PPARGC1A: variants seen among roughly 807,000 people sequenced by gnomAD.
PPARGC1A encodes the protein peroxisome proliferator-activated receptor gamma coactivator 1-alpha.
In PPARGC1A, 25 loss-of-function variants were observed where a neutral mutation model predicts 88.7. The ratio of observed to expected loss-of-function variants is 0.28; its 90% confidence interval spans 0.21 to 0.39. The LOEUF is 0.39. Among genes scored for constraint, PPARGC1A ranks in the 10% least tolerant of loss-of-function variants. The probability of loss-of-function intolerance (pLI) is 1.00; values close to 1 mark genes in which losing one functional copy is unlikely to be tolerated. For missense variants in PPARGC1A, 880 were observed against 968.7 expected, an observed-to-expected ratio of 0.91 and a Z score of 1.22; for synonymous variants, 363 against 355.6, an observed-to-expected ratio of 1.02 and a Z score of -0.24.
the PPARGC1A span, among the ~76,000 whole-genome samples, chr4:24,312,977 T>A: frequency 6.6e-6 from 1 of 151,984 alleles, no homozygotes; most frequent in Non-Finnish European, 1.5e-5. Flanking sequence ...AAAAAGGATA[T>A]TTCAAAAAAT....
the PPARGC1A span, among the ~76,000 whole-genome samples, chr4:24,168,479 T>C: frequency 6.6e-6 from 1 of 152,226 alleles, no homozygotes; most frequent in Non-Finnish European, 1.5e-5. Context: ...CATTCAGTTC[T>C]TGGTTTCTTA....
chr4:24,092,417 G>T, the PPARGC1A span, among the ~76,000 whole-genome samples: 1 of 151,940 alleles, frequency 6.6e-6, no homozygotes, highest in African/African-American at 2.4e-5. Context: ...TATCTAATTG[G>T]TCTAAACTAG....
chr4:24,214,486 C>T, the PPARGC1A span, among the ~76,000 whole-genome samples: 1 of 152,120 alleles, frequency 6.6e-6, no homozygotes, highest in Admixed American at 6.5e-5. Flanking sequence ...ATATTGGCAA[C>T]AGGGAAGAGG....
chr4:24,197,279 T>C, the PPARGC1A span, among the ~76,000 whole-genome samples: 1 of 152,220 alleles, frequency 6.6e-6, no homozygotes, highest in East Asian at 1.9e-4. Flanking sequence ...TTGCAGGTCA[T>C]TTTTATCACA....
chr4:23,895,316 TTTTC>T (rs1718419941), intron 1 of PPARGC1A, among the ~76,000 whole-genome samples: 1 of 151,164 alleles, frequency 6.6e-6, no homozygotes, highest in African/African-American at 2.4e-5. Flanking sequence ...ATATATATTT[TTTTC>T]TTTTTCTTTT....
the PPARGC1A span, among the ~76,000 whole-genome samples, chr4:24,465,090 G>A: frequency 1.3e-4 from 20 of 152,224 alleles, no homozygotes; most frequent in Middle Eastern, 6.8e-3. Context: ...GGTCTTGAAC[G>A]CCTGGACTCA....
the PPARGC1A span, among the ~76,000 whole-genome samples, chr4:23,941,087 G>A: frequency 6.6e-6 from 1 of 152,070 alleles, no homozygotes; most frequent in African/African-American, 2.4e-5. Context: ...GTCTCACTCT[G>A]TCACCCAAGC....
the PPARGC1A span, among the ~76,000 whole-genome samples, chr4:24,240,472 C>A: frequency 6.6e-6 from 1 of 152,158 alleles, no homozygotes. Context: ...TGCTAATTAG[C>A]TGGCTAGTTA....
the PPARGC1A span, among the ~76,000 whole-genome samples, chr4:24,351,014 T>C: frequency 6.6e-6 from 1 of 151,996 alleles, no homozygotes; most frequent in African/African-American, 2.4e-5. Context: ...TGGATCACTT[T>C]GAGCACAGGA....
the PPARGC1A span, among the ~76,000 whole-genome samples, chr4:24,158,349 A>G: frequency 7.5e-3 from 1,147 of 152,152 alleles, 16 homozygotes; most frequent in African/African-American, 0.026. Flanking sequence ...TCACTCATTT[A>G]TTATCTGTCT....
the PPARGC1A span, among the ~76,000 whole-genome samples, chr4:24,350,041 T>C: frequency 6.6e-6 from 1 of 152,202 alleles, no homozygotes; most frequent in Non-Finnish European, 1.5e-5. Context: ...CCAGGTGAAG[T>C]TGGAAACGTC....
chr4:23,829,186 C>T (rs1239909332), intron 4 of PPARGC1A, among the ~76,000 whole-genome samples: 2 of 152,140 alleles, frequency 1.3e-5, no homozygotes, highest in African/African-American at 4.8e-5. Flanking sequence ...CAAATTTTAC[C>T]GTGGCCCACA....
At position 23,814,290 on chromosome 4, in the gene PPARGC1A, A is replaced by G. The variant is rs2109471208; in HGVS notation, c.1193T>C (p.Ile398Thr). ...QSINSKTEIL[I>T]NISQELQDSR... The stretch of plus-strand genomic sequence containing the variant: ...GTCTTGGAGCTCCTGTGATATATTA[A>G]TGAGTATTTCTGTTTTGGAATTAAT... Residue 398 changes from isoleucine to threonine, a missense_variant, in exon 8 of 13, where the codon ATT becomes ACT. Ile to Thr is a moderately conservative substitution (Grantham distance 89, BLOSUM62 -1). Transcript: ENST00000264867. 1 of 1,613,994 alleles carries G rather than the reference A, an allele frequency of 6.2e-7. No individual in the cohort carries two copies. The highest frequency in any genetic ancestry group is 1.1e-5 in the South Asian group (1 of 91,068).
chr4:23,932,761 A>G, the PPARGC1A span, among the ~76,000 whole-genome samples: 15 of 152,176 alleles, frequency 9.9e-5, no homozygotes, highest in Non-Finnish European at 1.8e-4. Flanking sequence ...TTCCAGTTGG[A>G]AGGAGGAAAG....
intron 2 of PPARGC1A, among the ~76,000 whole-genome samples, chr4:23,842,986 T>C (rs1399852804): frequency 6.6e-6 from 1 of 152,142 alleles, no homozygotes; most frequent in East Asian, 1.9e-4. Flanking sequence ...TATCTTACAT[T>C]AATGTGCCTA....
chr4:23,900,012 CAAAA>C (rs5856802), upstream of PPARGC1A, among the ~76,000 whole-genome samples: 3 of 147,930 alleles, frequency 2.0e-5, no homozygotes, highest in African/African-American at 7.4e-5. Context: ...GCTGCCTGTC[CAAAA>C]AAAAAAAAAA....
At chr4:24,370,280 C>T in the PPARGC1A span, among the ~76,000 whole-genome samples, 1 of 151,918 alleles carries the variant, frequency 6.6e-6, no homozygotes, top group Non-Finnish European at 1.5e-5. Context: ...CATGAAACTA[C>T]TAGTATTTAT....
chr4:24,421,330 T>TA, the PPARGC1A span, among the ~76,000 whole-genome samples: 8 of 143,270 alleles, frequency 5.6e-5, no homozygotes, highest in African/African-American at 1.7e-4. Flanking sequence ...TTTTTTTTTT[T>TA]AATGGAGTCT....
chr4:24,178,270 C>G, the PPARGC1A span, among the ~76,000 whole-genome samples: 18 of 152,226 alleles, frequency 1.2e-4, no homozygotes, highest in East Asian at 1.5e-3. Flanking sequence ...CAGCATAGTA[C>G]TTTTGTTAGA....
Sources: gnomAD v4.1 joint callset for allele counts (sites outside exome capture counted in the v4.1 genomes callset) on GRCh38, gnomAD v4.1.1 for gene constraint, MANE v1.5 for transcripts, NCBI Gene and HGNC (gene_info 2026-07-23, HGNC 2026-07-21) for gene names.